Variants in FYTTD1 observed in about 807,000 individuals in gnomAD.
The protein encoded by FYTTD1 is UAP56-interacting factor.
Under a neutral mutation model 40.9 loss-of-function variants are expected in FYTTD1, and 22 were observed. That is an observed-to-expected ratio of 0.54 (90% CI 0.38 to 0.77). The LOEUF (loss-of-function observed/expected upper bound fraction) is 0.77, where lower values mean the gene tolerates loss of function less well. Among genes scored for constraint, FYTTD1 ranks in the 30% least tolerant of loss-of-function variants. The probability of loss-of-function intolerance (pLI) is 0.00; values close to 1 mark genes in which losing one functional copy is unlikely to be tolerated. For missense variants in FYTTD1, 351 were observed against 392.2 expected (o/e 0.90, Z 0.89); for synonymous variants, 140 against 137.9 (o/e 1.01, Z -0.10).
At chr3:197,768,882 TC>T (rs1449542641) in intron 3 of FYTTD1, among the ~76,000 whole-genome samples, 19 of 152,006 alleles carry the variant, frequency 1.2e-4, no homozygotes, top group Admixed American at 1.2e-3. Context: ...AATGTCCACC[TC>T]CCAGGTTCAA....
At chr3:197,770,314 A>T (rs929770826) in intron 4 of FYTTD1, 70 bp downstream of exon 4, 1 of 956,906 alleles carries the variant, frequency 1.0e-6, no homozygotes, top group Non-Finnish European at 1.6e-6. Flanking sequence ...GGTGTGAAGA[A>T]TGGATTTGCA....
At chr3:197,755,765 G>C (rs984634794) in intron 1 of FYTTD1, 3 of 1,547,002 alleles carry the variant, frequency 1.9e-6, no homozygotes, top group African/African-American at 2.8e-5. Context: ...TGGGATTATA[G>C]GTGTGAGTCA....
upstream of FYTTD1, chr3:197,749,650 G>T: frequency 1.2e-6 from 1 of 852,670 alleles, no homozygotes; most frequent in Non-Finnish European, 1.8e-6. Context: ...AAGATTCAGA[G>T]GTGCCCGCGG....
intron 2 of FYTTD1, among the ~76,000 whole-genome samples, chr3:197,766,653 G>A (rs1394530976): frequency 6.6e-6 from 1 of 151,944 alleles, no homozygotes; most frequent in Non-Finnish European, 1.5e-5. Flanking sequence ...ATGTTGCCCA[G>A]GCTGGTCTCG....
At chr3:197,777,104 G>C (rs1729898706) in intron 7 of FYTTD1, 103 bp downstream of exon 7, 3 of 698,538 alleles carry the variant, frequency 4.3e-6, no homozygotes, top group Admixed American at 2.6e-5. Context: ...AAGTTGGGAT[G>C]AACCAGGAAG....
intron 1 of FYTTD1, among the ~76,000 whole-genome samples, chr3:197,754,886 C>T (rs1023531490): frequency 1.3e-5 from 2 of 151,960 alleles, no homozygotes; most frequent in Non-Finnish European, 2.9e-5. Flanking sequence ...AGGTTGGTCT[C>T]GAACTCTTGG....
At chr3:197,766,045 C>T (rs1379530540) in intron 2 of FYTTD1, among the ~76,000 whole-genome samples, 1 of 150,062 alleles carries the variant, frequency 6.7e-6, no homozygotes. Flanking sequence ...CACCTGTAAT[C>T]CCAGCTACTC....
chr3:197,752,063 A>G (rs1312418386), intron 1 of FYTTD1, among the ~76,000 whole-genome samples: 1 of 152,176 alleles, frequency 6.6e-6, no homozygotes, highest in East Asian at 1.9e-4. Flanking sequence ...TTTAGTAGAG[A>G]CAGGGTTTCA....
chr3:197,768,675 T>C (rs1729622552), intron 3 of FYTTD1, 88 bp downstream of exon 3: 2 of 1,140,950 alleles, frequency 1.8e-6, no homozygotes, highest in South Asian at 2.3e-5. Context: ...GAGAATTTTA[T>C]TTGTTTTTAT....
rs191600554 is a variant in FYTTD1 at position 197,763,990 on chromosome 3, G to A, written c.236-4449G>A. ...TTTCTACTGAACCAGGACCTGTAGAGGTAGGGCTTGGAGGATTTTTTTTAA... is the reference window on the plus strand; with the variant it reads ...TTTCTACTGAACCAGGACCTGTAGAAGTAGGGCTTGGAGGATTTTTTTTAA... On this transcript the variant is annotated intron_variant, in intron 2 of 8. Transcript: ENST00000241502. 1.3e-3 allele frequency among the ~76,000 whole-genome samples: 203 copies of A among 152,328 alleles called. 2 individuals carry two copies. Among genetic ancestry groups the A allele is most frequent in the Non-Finnish European group, 9.7e-4 (66 of 68,012 alleles).
chr3:197,753,806 AGTG>A (rs1308926602), intron 1 of FYTTD1, among the ~76,000 whole-genome samples: 1 of 152,008 alleles, frequency 6.6e-6, no homozygotes, highest in Non-Finnish European at 1.5e-5. Context: ...CCCAGGCTGG[AGTG>A]CAGTGGCACG....
chr3:197,760,477 T>TAG (rs1479425463), intron 2 of FYTTD1, among the ~76,000 whole-genome samples: 2 of 149,290 alleles, frequency 1.3e-5, no homozygotes, highest in African/African-American at 5.1e-5. Flanking sequence ...GTAGAATGTA[T>TAG]AGAGTTCTTC....
intron 1 of FYTTD1, among the ~76,000 whole-genome samples, chr3:197,751,887 T>A (rs200884729): frequency 6.6e-6 from 1 of 152,094 alleles, no homozygotes; most frequent in African/African-American, 2.4e-5. Flanking sequence ...TAATTAATTA[T>A]TTGAGACGGA....
At chr3:197,767,527 G>A (rs901791617) in intron 2 of FYTTD1, among the ~76,000 whole-genome samples, 1 of 150,526 alleles carries the variant, frequency 6.6e-6, no homozygotes, top group African/African-American at 2.4e-5. Context: ...TTTGGAGACA[G>A]GGTCTCACTC....
At chr3:197,776,901 A>AT (rs763515831) in intron 6 of FYTTD1, 26 bp from the exon 7 acceptor site, 50 of 1,488,484 alleles carry the variant, frequency 3.4e-5, no homozygotes, top group South Asian at 1.6e-4. Context: ...CATTTAATGA[A>AT]TTTTTTTTAT....
intron 2 of FYTTD1, 142 bp downstream of exon 2, chr3:197,756,699 A>C (rs565585568): frequency 1.3e-6 from 1 of 764,052 alleles, no homozygotes; most frequent in South Asian, 1.8e-5. Flanking sequence ...TTTTGTTTAG[A>C]TCTAAAACCT....
In FYTTD1 at chr3:197,785,912, G is replaced by A. The variant is rs1580476648; in HGVS notation, c.*4003G>A. ...CTTCCCTTTAGAGAGGGTTCTTTTT[G>A]GATAGATCAATTTGGAACTAGCTTC... is the stretch of plus-strand genomic sequence containing the variant. On this transcript the variant is annotated 3_prime_UTR_variant, in exon 9 of 9. Coordinates refer to ENST00000241502, the MANE Select transcript of FYTTD1 (RefSeq NM_032288.7). The A allele has an allele frequency of 6.7e-6, 1 of 148,840 alleles. No individual in the cohort carries two copies. Among genetic ancestry groups the A allele is most frequent in the Non-Finnish European group, 1.5e-5 (1 of 67,448 alleles). 9.2% of individuals were successfully genotyped at this position (148,840 alleles called of 1,614,324 possible). A position where few individuals can be genotyped will look rare whatever the true frequency, so the allele number is the denominator to read the frequency against.
chr3:197,759,400 G>A (rs1174527714), intron 2 of FYTTD1, among the ~76,000 whole-genome samples: 3 of 151,580 alleles, frequency 2.0e-5, no homozygotes, highest in African/African-American at 4.9e-5. Context: ...AACGTATAGA[G>A]TTGTTCTTCA....
chr3:197,761,486 A>C (rs1218744213), intron 2 of FYTTD1, among the ~76,000 whole-genome samples: 1 of 151,864 alleles, frequency 6.6e-6, no homozygotes, highest in African/African-American at 2.4e-5. Context: ...AGTGTTCTTC[A>C]GTGGTAGAAT....
Sources: gnomAD v4.1 joint callset for allele counts (sites outside exome capture counted in the v4.1 genomes callset) on GRCh38, gnomAD v4.1.1 for gene constraint, MANE v1.5 for transcripts, NCBI Gene and HGNC (gene_info 2026-07-23, HGNC 2026-07-21) for gene names.